Variants in EGF observed in about 807,000 individuals in gnomAD.
EGF encodes the protein pro-epidermal growth factor.
A neutral mutation model predicts 143.8 loss-of-function variants in EGF; 95 were observed. The ratio of observed to expected loss-of-function variants is 0.66; its 90% CI spans 0.56 to 0.78. The LOEUF (loss-of-function observed/expected upper bound fraction) is 0.78. EGF is among the 30% of genes least tolerant of loss of function. The probability of loss-of-function intolerance (pLI) is 0.00; values close to 1 mark genes in which losing one functional copy is unlikely to be tolerated. For synonymous variants in EGF, 510 were observed against 510.5 expected (o/e 1.00, Z 0.01); for missense variants, 1,320 against 1,470.9 (o/e 0.90, Z 1.68).
In EGF at chr4:109,954,113, A is replaced by G. The variant is rs1744393438; in HGVS notation, c.941-5199A>G. On this transcript the variant is annotated intron_variant, in intron 5 of 23. Transcript: ENST00000265171. ...GTCACCCATGCTGGAGTGCAGTGGC[A>G]TGATCTTGGCTCACTGCAACCTCCG... Among the ~76,000 whole-genome samples, 3 of 152,306 alleles carry G rather than the reference A, an allele frequency of 2.0e-5. No homozygotes were observed. The South Asian group carries it at 6.2e-4, about 32-fold the overall frequency.
intron 10 of EGF, among the ~76,000 whole-genome samples, chr4:109,967,580 G>T (rs1010791943): frequency 1.1e-4 from 16 of 152,096 alleles, no homozygotes; most frequent in African/African-American, 3.9e-4. Context: ...GAAGAATGAT[G>T]TTGGCAATTT....
chr4:110,009,586 G>T (rs11569133), intron 23 of EGF, among the ~76,000 whole-genome samples: 2 of 151,754 alleles, frequency 1.3e-5, no homozygotes, highest in Non-Finnish European at 1.5e-5. Flanking sequence ...TTTTCCCCCC[G>T]CACTGTACTG....
chr4:110,013,464 A>G lies in EGF; in HGVS notation c.*2009A>G, dbSNP rs1243926712. On this transcript the variant is annotated 3_prime_UTR_variant, in exon 24 of 24. Transcript: ENST00000265171. ...TACCAGCTCCTGGTCGGATTAAAGA[A>G]AAAACACACTTTGTGTTTTTTAATC... Among the ~76,000 whole-genome samples the G allele has an allele frequency of 3.9e-5, 6 of 152,136 alleles. No individual in the cohort carries two copies. In the South Asian group the frequency reaches 1.0e-3, roughly 26 times the overall value.
intron 20 of EGF, among the ~76,000 whole-genome samples, chr4:109,996,459 T>C (rs1253293703): frequency 6.6e-6 from 1 of 152,238 alleles, no homozygotes; most frequent in Admixed American, 6.5e-5. Context: ...AACCTTGTTT[T>C]TAAATTGTAT....
intron 23 of EGF, among the ~76,000 whole-genome samples, chr4:110,009,147 A>G (rs4273533): frequency 6.6e-6 from 1 of 152,206 alleles, no homozygotes; most frequent in African/African-American, 2.4e-5. Flanking sequence ...CTATGTTGCC[A>G]TGAAACCCCA....
At chr4:109,957,413 A>G (rs75440001) in intron 5 of EGF, among the ~76,000 whole-genome samples, 1 of 152,206 alleles carries the variant, frequency 6.6e-6, no homozygotes, top group Non-Finnish European at 1.5e-5. Flanking sequence ...CCAATCCACT[A>G]TATATATCAT....
intron 1 of EGF, among the ~76,000 whole-genome samples, chr4:109,926,973 T>C (rs1047450605): frequency 6.6e-6 from 1 of 152,224 alleles, no homozygotes; most frequent in African/African-American, 2.4e-5. Flanking sequence ...TTTTAAAACA[T>C]TTACAAACAG....
intron 1 of EGF, among the ~76,000 whole-genome samples, chr4:109,929,217 G>A (rs1739263665): frequency 6.6e-6 from 1 of 152,112 alleles, no homozygotes; most frequent in Non-Finnish European, 1.5e-5. Flanking sequence ...TTAAAAGCTA[G>A]GGTCTGTGTT....
intron 11 of EGF, among the ~76,000 whole-genome samples, chr4:109,974,139 A>G (rs764725804): frequency 3.6e-4 from 55 of 152,238 alleles, no homozygotes; most frequent in Non-Finnish European, 1.5e-4. Flanking sequence ...CATAGATTGT[A>G]TCCAAATACT....
intron 11 of EGF, among the ~76,000 whole-genome samples, chr4:109,973,671 C>G (rs948486640): frequency 6.6e-6 from 1 of 151,868 alleles, no homozygotes. Context: ...AACCCTTTCT[C>G]TTCCCCTCCC....
chr4:109,928,666 G>A (rs541897084), intron 1 of EGF, among the ~76,000 whole-genome samples: 1 of 152,162 alleles, frequency 6.6e-6, no homozygotes, highest in African/African-American at 2.4e-5. Flanking sequence ...ATATATTTTG[G>A]GATAAAATAT....
At chr4:109,952,098 G>T (rs1012207763) in intron 5 of EGF, among the ~76,000 whole-genome samples, 46 of 152,020 alleles carry the variant, frequency 3.0e-4, no homozygotes, top group African/African-American at 1.1e-3. Flanking sequence ...TATCCTGGCT[G>T]CCCTGATACC....
chr4:110,009,762 T>G (rs1753767447), intron 23 of EGF, among the ~76,000 whole-genome samples: 1 of 152,090 alleles, frequency 6.6e-6, no homozygotes, highest in African/African-American at 2.4e-5. Flanking sequence ...AAAGATCAAG[T>G]TTGGCTCTGA....
chr4:109,983,306 A>T, intron 15 of EGF, 116 bp from the exon 16 acceptor site: 1 of 1,211,328 alleles, frequency 8.3e-7, no homozygotes, highest in Non-Finnish European at 1.2e-6. Context: ...GAATCCTCTT[A>T]CTGTAAGAAT....
chr4:109,929,504 G>A (rs970796599), intron 1 of EGF, among the ~76,000 whole-genome samples: 1 of 152,174 alleles, frequency 6.6e-6, no homozygotes, highest in South Asian at 2.1e-4. Context: ...GAGAAGTCCT[G>A]TTGAAAACAA....
chr4:109,999,446 A>G (rs1285452776), intron 20 of EGF, among the ~76,000 whole-genome samples: 1 of 152,248 alleles, frequency 6.6e-6, no homozygotes, highest in Non-Finnish European at 1.5e-5. Flanking sequence ...TAGAGGCAGT[A>G]TGCAAATAAT....
chr4:109,927,999 T>C (rs189689568), intron 1 of EGF, among the ~76,000 whole-genome samples: 13 of 152,280 alleles, frequency 8.5e-5, no homozygotes, highest in Admixed American at 6.5e-4. Context: ...ACCTATAGCA[T>C]AGGAACATTA....
At chr4:109,975,766 T>C (rs976415013) in intron 12 of EGF, among the ~76,000 whole-genome samples, 8 of 152,238 alleles carry the variant, frequency 5.3e-5, no homozygotes, top group African/African-American at 1.9e-4. Context: ...AACCAATTTC[T>C]TTTTTAATCT....
chr4:109,973,190 T>C (rs1747942203), intron 11 of EGF, among the ~76,000 whole-genome samples: 1 of 152,182 alleles, frequency 6.6e-6, no homozygotes, highest in African/African-American at 2.4e-5. Flanking sequence ...TATAGAGTCA[T>C]GTTTAGCATT....
Sources: gnomAD v4.1 joint callset for allele counts (sites outside exome capture counted in the v4.1 genomes callset) on GRCh38, gnomAD v4.1.1 for gene constraint, MANE v1.5 for transcripts, NCBI Gene and HGNC (gene_info 2026-07-23, HGNC 2026-07-21) for gene names.